Variants in C13orf46 observed in about 807,000 individuals in gnomAD.
C13orf46 encodes the protein chromosome 13 open reading frame 46, also known as uncharacterized protein C13orf46.
chr13:113,946,277 T>C, the C13orf46 span, among the ~76,000 whole-genome samples: 1 of 152,182 alleles, frequency 6.6e-6, no homozygotes, highest in African/African-American at 2.4e-5. Context: ...AAAGCTCATC[T>C]TGAGAAGCAC....
At chr13:113,931,623 T>G in the C13orf46 span, among the ~76,000 whole-genome samples, 2 of 152,162 alleles carry the variant, frequency 1.3e-5, no homozygotes, top group Non-Finnish European at 2.9e-5. Context: ...TTTCACAGAC[T>G]CTCACCAAAT....
At chr13:113,930,605 G>T in the C13orf46 span, among the ~76,000 whole-genome samples, 2 of 152,202 alleles carry the variant, frequency 1.3e-5, no homozygotes, top group Non-Finnish European at 2.9e-5. Flanking sequence ...CAATCCAGCA[G>T]AGCTGGAAGG....
chr13:113,951,611 C>G (rs1437312529), downstream of C13orf46, among the ~76,000 whole-genome samples: 2 of 150,988 alleles, frequency 1.3e-5, no homozygotes, highest in African/African-American at 4.8e-5. Context: ...CTCCCCGCCC[C>G]CCATGCCCTG....
At chr13:113,951,756 G>C (rs967592825), downstream of C13orf46, among the ~76,000 whole-genome samples, 2 of 152,232 alleles carry the variant, frequency 1.3e-5, no homozygotes, top group African/African-American at 4.8e-5. Flanking sequence ...TTTCAAAGTG[G>C]TTGCCTTTTT....
chr13:113,958,180 T>C (rs1275278816), intron 6 of C13orf46, among the ~76,000 whole-genome samples: 10 of 145,606 alleles, frequency 6.9e-5, no homozygotes, highest in Admixed American at 4.1e-4. Context: ...GCACTCTGCC[T>C]GCACCCCCTT....
intron 6 of C13orf46, among the ~76,000 whole-genome samples, chr13:113,957,205 C>T (rs1237122566): frequency 6.8e-6 from 1 of 147,078 alleles, no homozygotes; most frequent in Non-Finnish European, 1.5e-5. Flanking sequence ...CTCCCCTGCA[C>T]TCTGCCTGCA....
intron 6 of C13orf46, among the ~76,000 whole-genome samples, chr13:113,958,655 G>T (rs897338696): frequency 3.9e-5 from 6 of 152,236 alleles, no homozygotes; most frequent in Admixed American, 3.9e-4. Context: ...GACGGCTCGC[G>T]GGCGACAGCC....
the C13orf46 span, among the ~76,000 whole-genome samples, chr13:113,929,799 C>T: frequency 2.6e-5 from 4 of 152,340 alleles, no homozygotes; most frequent in East Asian, 7.7e-4. Context: ...CCCGGAGCAT[C>T]CCGTGAGTTC....
intron 6 of C13orf46, among the ~76,000 whole-genome samples, chr13:113,958,286 T>G (rs1044772490): frequency 2.6e-5 from 4 of 152,178 alleles, no homozygotes; most frequent in African/African-American, 9.7e-5. Context: ...TGCACCCCAT[T>G]TCATCAAGCC....
chr13:113,950,914 C>T (rs1466205527), downstream of C13orf46, among the ~76,000 whole-genome samples: 5 of 152,234 alleles, frequency 3.3e-5, no homozygotes, highest in Non-Finnish European at 5.9e-5. Context: ...TTCCCCGGGG[C>T]CCCGGGATGT....
At chr13:113,960,999 C>T (rs963490040) in intron 6 of C13orf46, among the ~76,000 whole-genome samples, 2 of 152,212 alleles carry the variant, frequency 1.3e-5, no homozygotes, top group Non-Finnish European at 2.9e-5. Flanking sequence ...ATGGTTTTTA[C>T]AGCAATGTAA....
chr13:113,972,677 C>A (rs1185332388), intron 1 of C13orf46, among the ~76,000 whole-genome samples: 2 of 152,234 alleles, frequency 1.3e-5, no homozygotes, highest in African/African-American at 2.4e-5. Flanking sequence ...GGGCAGCCTA[C>A]ACGTTTCGCG....
At chr13:113,927,598 G>A in the C13orf46 span, 174 of 398,694 alleles carry the variant, frequency 4.4e-4, 1 homozygote, top group East Asian at 5.9e-3. Context: ...GGGATCCTAC[G>A]GTGGGGAGTG....
At chr13:113,940,094 G>C in the C13orf46 span, among the ~76,000 whole-genome samples, 1 of 152,232 alleles carries the variant, frequency 6.6e-6, no homozygotes, top group Non-Finnish European at 1.5e-5. Context: ...GCCTGGCCCT[G>C]CCCATGCGGC....
the C13orf46 span, among the ~76,000 whole-genome samples, chr13:113,931,668 C>T: frequency 3.3e-5 from 5 of 152,346 alleles, no homozygotes; most frequent in South Asian, 8.3e-4. Context: ...AGCTTAAATA[C>T]ACCAAAAGTG....
At chr13:113,967,810 C>T (rs1027829636) in intron 4 of C13orf46, among the ~76,000 whole-genome samples, 5 of 152,286 alleles carry the variant, frequency 3.3e-5, no homozygotes, top group African/African-American at 1.2e-4. Context: ...CCACAGCCTG[C>T]CTGTGGGCCA....
At chr13:113,934,107 T>G in the C13orf46 span, among the ~76,000 whole-genome samples, 1 of 152,116 alleles carries the variant, frequency 6.6e-6, no homozygotes, top group Non-Finnish European at 1.5e-5. Context: ...ACTCATCCTT[T>G]CAAGAGTGTT....
downstream of C13orf46, among the ~76,000 whole-genome samples, chr13:113,951,441 C>G: frequency 6.6e-6 from 1 of 152,300 alleles, no homozygotes; most frequent in South Asian, 2.1e-4. Context: ...GGCCTCGGCT[C>G]TGCCCGGCCA....
chr13:113,961,877 C>T (rs1430789741), intron 6 of C13orf46, among the ~76,000 whole-genome samples: 1 of 151,994 alleles, frequency 6.6e-6, no homozygotes, highest in Non-Finnish European at 1.5e-5. Flanking sequence ...TCTCCATGAT[C>T]TGTGGCTACT....
Sources: gnomAD v4.1 joint callset for allele counts (sites outside exome capture counted in the v4.1 genomes callset) on GRCh38, gnomAD v4.1.1 for gene constraint, MANE v1.5 for transcripts, NCBI Gene and HGNC (gene_info 2026-07-23, HGNC 2026-07-21) for gene names.